COL17A1: variants seen among roughly 807,000 people sequenced by gnomAD.
COL17A1 encodes the protein collagen type XVII alpha 1 chain.
In COL17A1, 181 loss-of-function variants were observed where a neutral mutation model predicts 218.4. The ratio of observed to expected loss-of-function variants is 0.83; its 90% CI spans 0.73 to 0.94. The LOEUF is 0.94. COL17A1 is among the 40% of genes least tolerant of loss of function. The probability of loss-of-function intolerance (pLI) is 0.00; values close to 1 mark genes in which losing one functional copy is unlikely to be tolerated. For missense variants in COL17A1, 1,924 were observed against 1,945.9 expected, an observed-to-expected ratio of 0.99 and a Z score of 0.21; for synonymous variants, 721 against 731.0, an observed-to-expected ratio of 0.99 and a Z score of 0.22.
chr10:104,080,710 T>G (rs1322102120), intron 1 of COL17A1, 26 bp from the exon 2 acceptor site: 26 of 1,610,728 alleles, frequency 1.6e-5, no homozygotes, highest in Non-Finnish European at 2.1e-5. Context: ...GAAACCATGA[T>G]AGTCATACTT....
chr10:104,038,581 A>C, intron 44 of COL17A1, 53 bp from the exon 45 acceptor site: 1 of 1,600,924 alleles, frequency 6.2e-7, no homozygotes, highest in African/African-American at 1.3e-5. Flanking sequence ...AGGGTCAGAC[A>C]AACGGGCCCA....
At chr10:104,056,673 G>C (rs2086531537) in intron 17 of COL17A1, among the ~76,000 whole-genome samples, 1 of 152,178 alleles carries the variant, frequency 6.6e-6, no homozygotes, top group Admixed American at 6.5e-5. Context: ...AGAAAGTCCT[G>C]ACCTTGTTAC....
rs759138583 is a variant in COL17A1, at chr10:104,053,935, G to C, written c.1819C>G (p.Gln607Glu). ...TGTTTCTTACCCACGCTGCCTTTTT[G>C]ACCCTTTGGTCCTTGTGGACCTGGG... ...GHPGPQGPKG[Q>E]KGSVGDPGME... Residue 607 changes from glutamine to glutamate, a missense_variant, in exon 22 of 56, where the codon CAA becomes GAA. Gln to Glu is a conservative substitution (Grantham distance 29). Transcript: ENST00000648076. 1.3e-5 allele frequency: 20 copies of C among 1,598,428 alleles called. No homozygotes were observed. Among genetic ancestry groups the C allele is most frequent in the Non-Finnish European group, 1.0e-5 (12 of 1,165,704 alleles).
chr10:104,057,779 G>T (rs2086544672), intron 16 of COL17A1, among the ~76,000 whole-genome samples: 1 of 152,166 alleles, frequency 6.6e-6, no homozygotes, highest in Non-Finnish European at 1.5e-5. Flanking sequence ...GGAAGGAAAT[G>T]AGGAAAGGCT....
rs1233018851 is a variant in COL17A1 at position 104,033,288 on chromosome 10, A to T, written c.4244T>A (p.Val1415Asp). ...AGTCACGTTGCTGTAGGCAGAGAAG[A>T]CCTTGCTGATGCCGGGTGGCCCCTG... ...GPQGPPGISK[V>D]FSAYSNVTAD... Residue 1415 changes from valine to aspartate, a missense_variant, in exon 53 of 56, where the codon GTC (valine) becomes GAC (aspartate). Physicochemically the swap from Val to Asp is radical, Grantham distance 152. Coordinates refer to ENST00000648076, the MANE Select transcript of COL17A1 (RefSeq NM_000494.4). 6.3e-7 allele frequency: 1 copy of T among 1,599,892 alleles called. No individual in the cohort carries two copies. The highest frequency in any genetic ancestry group is 1.1e-5 in the South Asian group (1 of 88,324).
chr10:104,072,001 C>T, intron 8 of COL17A1, 31 bp downstream of exon 8: 1 of 1,614,072 alleles, frequency 6.2e-7, no homozygotes, highest in Non-Finnish European at 8.5e-7. Flanking sequence ...TTTCTGGACC[C>T]TTTCTTTTCA....
chr10:104,056,007 CAACA>C lies in COL17A1; in HGVS notation c.1466-8_1466-5del. ...TTCAGCTTCCTCACCTCCTCCGCTGCAACAAACAGACACACACTGCGTCACTGAG... is the reference window on the plus strand; with the variant it reads ...TTCAGCTTCCTCACCTCCTCCGCTGCAACAGACACACACTGCGTCACTGAG... On this transcript the variant is annotated splice_polypyrimidine_tract_variant and splice_region_variant and intron_variant, in intron 17 of 55. Coordinates refer to ENST00000648076, the MANE Select transcript of COL17A1 (RefSeq NM_000494.4). The C allele has an allele frequency of 6.2e-7, 1 of 1,614,188 alleles. No homozygotes were observed. Among genetic ancestry groups the C allele is most frequent in the Non-Finnish European group, 8.5e-7 (1 of 1,180,018 alleles).
intron 4 of COL17A1, among the ~76,000 whole-genome samples, chr10:104,077,158 A>T (rs1009623354): frequency 5.9e-5 from 9 of 152,230 alleles, no homozygotes; most frequent in Admixed American, 2.0e-4. Context: ...TGTGGACTTA[A>T]TGAAAATGGA....
intron 34 of COL17A1, 71 bp from the exon 35 acceptor site, chr10:104,043,652 G>T: frequency 6.4e-7 from 1 of 1,559,150 alleles, no homozygotes. Context: ...CCCAAGCCAG[G>T]TTGTGGTGGG....
In COL17A1 at chr10:104,037,730, T is replaced by C. The variant is rs1400699798; in HGVS notation, c.3114A>G (p.Pro1038=). The C allele has an allele frequency of 6.2e-7, 1 of 1,614,150 alleles. No individual in the cohort carries two copies. The highest frequency in any genetic ancestry group is 8.5e-7 in the Non-Finnish European group (1 of 1,180,032). Residue 1038 remains proline (P), a synonymous_variant, in exon 46 of 56, where the codon CCA becomes CCG. Transcript: ENST00000648076. The part of the protein sequence containing the change: ...RSYLSGVQGP[P]GPPGPPGPVT... ...CAGGTCCTGGGGGACCAGGTGGGCC[T>C]GGGGGACCCTGAACTCCGGATAGGT...
chr10:104,033,465 C>T, intron 52 of COL17A1, 90 bp from the exon 53 acceptor site: 1 of 1,485,468 alleles, frequency 6.7e-7, no homozygotes, highest in Non-Finnish European at 9.2e-7. Context: ...TGTCAAACTC[C>T]CAAAGCAGTT....
At position 104,078,574 on chromosome 10, in the gene COL17A1, G is replaced by A. The variant is rs767281533; in HGVS notation, c.65C>T (p.Thr22Ile). The A allele has an allele frequency of 1.2e-6, 2 of 1,614,160 alleles. No homozygotes were observed. Among genetic ancestry groups the A allele is most frequent in the Non-Finnish European group, 1.7e-6 (2 of 1,180,022 alleles). ...TAAGGATGTAAGTCTTGTGGTTACT[G>A]TTTCAGTGACAACTAGAAAAAGACA... Reference protein sequence around the residue: ...TEVTERIVTETVTTRLTSLPP... With the variant: ...TEVTERIVTEIVTTRLTSLPP... Residue 22 changes from threonine to isoleucine, a missense_variant, in exon 3 of 56, where the codon ACA (threonine) becomes ATA (isoleucine). Physicochemically the swap from Thr to Ile is moderately conservative, Grantham distance 89. Transcript: ENST00000648076.
intron 31 of COL17A1, among the ~76,000 whole-genome samples, chr10:104,047,291 G>C (rs1444074337): frequency 6.6e-6 from 1 of 151,962 alleles, no homozygotes; most frequent in Non-Finnish European, 1.5e-5. Context: ...TTCCTCCTCG[G>C]CCTCGTGGGT....
chr10:104,053,850 A>C (rs1417781674), intron 22 of COL17A1, 70 bp downstream of exon 22: 1 of 905,840 alleles, frequency 1.1e-6, no homozygotes, highest in Non-Finnish European at 1.8e-6. Flanking sequence ...TACAGCAGGC[A>C]CTTAATGAAT....
intron 25 of COL17A1, 61 bp from the exon 26 acceptor site, chr10:104,050,962 A>T: frequency 1.9e-6 from 3 of 1,612,466 alleles, no homozygotes; most frequent in Non-Finnish European, 1.7e-6. Flanking sequence ...ATGATGAGAC[A>T]TGTATGCACA....
chr10:104,047,362 T>C (rs545686342), intron 31 of COL17A1, among the ~76,000 whole-genome samples: 8 of 152,150 alleles, frequency 5.3e-5, no homozygotes, highest in South Asian at 2.1e-4. Context: ...AGGAGCAAGA[T>C]AGCGAGGTGA....
rs1346242106 is a variant in COL17A1 at position 104,032,277 on chromosome 10, A to G, written c.4452T>C (p.Tyr1484=). 6.2e-7 allele frequency: 1 copy of G among 1,614,062 alleles called. No individual in the cohort carries two copies. The highest frequency in any genetic ancestry group is 1.3e-5 in the African/African-American group (1 of 75,046). ...GEKGDKGDQV[Y]AGRRRRRSIA... Reference sequence around the variant, plus strand: ...TACTTCTTCTCCTTCTCCGCCCAGCATAGACTTGGTCACCTGAAAGTTAGA... The same window carrying G: ...TACTTCTTCTCCTTCTCCGCCCAGCGTAGACTTGGTCACCTGAAAGTTAGA... Residue 1484 remains tyrosine, a synonymous_variant, in exon 56 of 56, where the codon TAT becomes TAC. Coordinates refer to ENST00000648076, the MANE Select transcript of COL17A1 (RefSeq NM_000494.4).
intron 9 of COL17A1, among the ~76,000 whole-genome samples, chr10:104,067,039 C>T (rs1166667470): frequency 6.6e-6 from 1 of 152,162 alleles, no homozygotes; most frequent in East Asian, 1.9e-4. Flanking sequence ...TCAATCATGA[C>T]TATTCTGTTT....
Position 104,039,492 on chromosome 10 carries a change from T to C in COL17A1, c.2849A>G (p.Gln950Arg), listed in dbSNP as rs890433998. ...SGSSSFGLNL[Q>R]GPPGPPGPQG... ...GGGGCCAGGTGGGCCTGGTGGTCCC[T>C]GAAGGTTGAGTCCGAAAGAACTGGA... Residue 950 changes from glutamine (Q) to arginine (R), a missense_variant, in exon 43 of 56, where the codon CAG becomes CGG. Physicochemically the swap from Gln to Arg is conservative, Grantham distance 43. Coordinates refer to ENST00000648076, the MANE Select transcript of COL17A1 (RefSeq NM_000494.4). The C allele has an allele frequency of 1.2e-6, 2 of 1,613,510 alleles. No homozygotes were observed. Among genetic ancestry groups the C allele is most frequent in the African/African-American group, 2.7e-5 (2 of 74,838 alleles).
Sources: allele counts gnomAD v4.1 joint callset (sites outside exome capture counted in the v4.1 genomes callset), GRCh38; gene constraint gnomAD v4.1.1; transcripts MANE v1.5; gene names NCBI Gene and HGNC (gene_info 2026-07-23, HGNC 2026-07-21).